The following GLRB variants were observed in gnomAD, a reference collection of about 807,000 sequenced individuals.
GLRB encodes the protein glycine receptor subunit beta.
GLRB carries 33 observed loss-of-function variants against 54.2 expected under a neutral mutation model. The ratio of observed to expected loss-of-function variants is 0.61; its 90% CI spans 0.46 to 0.81. GLRB has a LOEUF of 0.81. Among genes scored for constraint, GLRB ranks in the 40% least tolerant of loss-of-function variants. The pLI is 0.00. For missense variants in GLRB, 572 were observed against 584.6 expected (o/e 0.98, Z 0.22); for synonymous variants, 209 against 208.2 (o/e 1.00, Z -0.03).
chr4:157,144,061 T>A lies in GLRB; in HGVS notation c.904+102T>A, dbSNP rs901210877. ...TTGAAACAATGAGTTTTAGAATTGT[T>A]AGCCACCAATTTCGGTGTTTAAAGA... On this transcript the variant is annotated intron_variant, in intron 8 of 9. Coordinates refer to ENST00000264428, the MANE Select transcript of GLRB (RefSeq NM_000824.5). 5 of 1,227,166 alleles carry A rather than the reference T, an allele frequency of 4.1e-6. No individual in the cohort carries two copies. The African/African-American group carries it at 7.4e-5, about 18-fold the overall frequency. The allele number at this position is 1,227,166 out of a possible 1,614,324, so 76.0% of individuals were successfully genotyped here. A position where few individuals can be genotyped will look rare whatever the true frequency, so the allele number is the denominator to read the frequency against.
At chr4:157,154,727 C>A (rs1452610088) in intron 9 of GLRB, among the ~76,000 whole-genome samples, 1 of 151,946 alleles carries the variant, frequency 6.6e-6, no homozygotes, top group Admixed American at 6.6e-5. Flanking sequence ...GCACTTGGCC[C>A]TCTTTTTCCT....
chr4:157,127,903 T>G (rs1736071691), intron 4 of GLRB, among the ~76,000 whole-genome samples: 1 of 152,018 alleles, frequency 6.6e-6, no homozygotes. Context: ...AAATGTGTGG[T>G]GCTTGAAGCC....
chr4:157,153,664 T>C (rs11945868), intron 9 of GLRB, among the ~76,000 whole-genome samples: 20,477 of 152,092 alleles, frequency 0.13, 3,536 homozygotes, highest in African/African-American at 0.4. Context: ...AATGGTAAAT[T>C]TCAACGTGCC....
Position 157,078,018 on chromosome 4 carries a change from T to G in GLRB, c.-7T>G, listed in dbSNP as rs769815590. The G allele has an allele frequency of 6.8e-6, 11 of 1,607,986 alleles. No individual in the cohort carries two copies. Among genetic ancestry groups the G allele is most frequent in the Non-Finnish European group, 9.4e-6 (11 of 1,175,346 alleles). ...TAGATCGATCTTCTGAAATTCAAGTTTTCAAGATGAAGTTTTTATTGACAA... is the reference window on the plus strand; with the variant it reads ...TAGATCGATCTTCTGAAATTCAAGTGTTCAAGATGAAGTTTTTATTGACAA... On this transcript the variant is annotated 5_prime_UTR_variant, in exon 2 of 10. Coordinates refer to ENST00000264428, the MANE Select transcript of GLRB (RefSeq NM_000824.5).
chr4:157,119,335 A>T (rs1337986450), intron 2 of GLRB, among the ~76,000 whole-genome samples: 1 of 151,670 alleles, frequency 6.6e-6, no homozygotes, highest in African/African-American at 2.4e-5. Flanking sequence ...ATATCATTTT[A>T]TGAACATCAG....
chr4:157,127,641 G>A (rs1022491565), intron 4 of GLRB, among the ~76,000 whole-genome samples: 1 of 151,806 alleles, frequency 6.6e-6, no homozygotes, highest in Admixed American at 6.6e-5. Context: ...AATTGATAGC[G>A]TTCTTGTAAG....
At chr4:157,084,768 A>G (rs1465685365) in intron 2 of GLRB, 3 of 451,692 alleles carry the variant, frequency 6.6e-6, no homozygotes, top group African/African-American at 2.0e-5. Context: ...ATGCCACTAT[A>G]TGCTGCTTGG....
Position 157,078,138 on chromosome 4 carries a change from A to T in GLRB, c.114A>T (p.Leu38=). 1.2e-6 allele frequency: 2 copies of T among 1,612,450 alleles called. No individual in the cohort carries two copies. Among genetic ancestry groups the T allele is most frequent in the Non-Finnish European group, 1.7e-6 (2 of 1,178,718 alleles). ...KKGKGKKKQY[L]CPSQQSAEDL... is the part of the protein sequence containing the mutation. Reference sequence around the variant, plus strand: ...GGAAGGGGAAAAAGAAGCAGTATCTATGCCCATCGTATGTTCTTCATGTCT... The same window carrying T: ...GGAAGGGGAAAAAGAAGCAGTATCTTTGCCCATCGTATGTTCTTCATGTCT... The change falls in exon 2 of 10, where the codon CTA becomes CTT. Residue 38 remains leucine, a synonymous_variant. Coordinates refer to ENST00000264428, the MANE Select transcript of GLRB (RefSeq NM_000824.5).
intron 2 of GLRB, among the ~76,000 whole-genome samples, chr4:157,103,827 A>T (rs1330713467): frequency 6.6e-6 from 1 of 152,054 alleles, no homozygotes; most frequent in Non-Finnish European, 1.5e-5. Flanking sequence ...TATTTTCCTA[A>T]CTTCCTTTTC....
intron 9 of GLRB, among the ~76,000 whole-genome samples, chr4:157,166,154 T>G (rs990084434): frequency 2.0e-5 from 3 of 152,044 alleles, no homozygotes; most frequent in African/African-American, 7.2e-5. Context: ...CTTGACAGTT[T>G]CATTATCACA....
intron 2 of GLRB, among the ~76,000 whole-genome samples, chr4:157,112,387 G>A (rs1376584615): frequency 6.6e-6 from 1 of 151,788 alleles, no homozygotes; most frequent in Non-Finnish European, 1.5e-5. Context: ...GCAAGTGCAT[G>A]GCACATAGGA....
intron 2 of GLRB, among the ~76,000 whole-genome samples, chr4:157,110,505 CTT>C (rs980976864): frequency 8.6e-5 from 13 of 151,876 alleles, no homozygotes; most frequent in Middle Eastern, 3.2e-3. Flanking sequence ...AAAATTTTCT[CTT>C]TGTTGAAATT....
At chr4:157,155,230 G>C (rs942620642) in intron 9 of GLRB, among the ~76,000 whole-genome samples, 4 of 152,122 alleles carry the variant, frequency 2.6e-5, no homozygotes, top group Admixed American at 2.6e-4. Context: ...CTGGATTCAA[G>C]CAATCCTCCC....
intron 3 of GLRB, 34 bp downstream of exon 3, chr4:157,120,696 T>G: frequency 1.0e-6 from 1 of 983,358 alleles, no homozygotes; most frequent in Non-Finnish European, 1.6e-6. Context: ...TCATTTTTAT[T>G]GTTTAAAAAT....
intron 4 of GLRB, among the ~76,000 whole-genome samples, chr4:157,134,533 C>A (rs1326279272): frequency 6.6e-6 from 1 of 151,844 alleles, no homozygotes; most frequent in African/African-American, 2.4e-5. Context: ...TAAAGAATAC[C>A]TATAAGATTT....
chr4:157,101,740 C>T (rs946828901), intron 2 of GLRB, among the ~76,000 whole-genome samples: 1 of 150,402 alleles, frequency 6.6e-6, no homozygotes, highest in Non-Finnish European at 1.5e-5. Flanking sequence ...AACCCTACAC[C>T]CATCTCTAGT....
rs572754196 is a variant in GLRB, at chr4:157,083,114, C to T, written c.122+4968C>T. Among the ~76,000 whole-genome samples the T allele has an allele frequency of 1.6e-3, 236 of 151,782 alleles. 1 individual carries two copies. Among genetic ancestry groups the T allele is most frequent in the African/African-American group, 5.4e-3 (222 of 41,432 alleles). ...ACTATTTTGCTAATTTTATGTTAAGCGTATTACTTTTTAGAACTATTTAAA... is the reference window on the plus strand; with the variant it reads ...ACTATTTTGCTAATTTTATGTTAAGTGTATTACTTTTTAGAACTATTTAAA... On this transcript the variant is annotated intron_variant, in intron 2 of 9. Coordinates refer to ENST00000264428, the MANE Select transcript of GLRB (RefSeq NM_000824.5).
At chr4:157,113,790 C>T (rs1028841579) in intron 2 of GLRB, among the ~76,000 whole-genome samples, 11 of 151,838 alleles carry the variant, frequency 7.2e-5, no homozygotes, top group African/African-American at 2.7e-4. Context: ...CAGACTTTGC[C>T]ACACACATAC....
chr4:157,136,094 C>T (rs539238507), intron 4 of GLRB, among the ~76,000 whole-genome samples: 1 of 152,110 alleles, frequency 6.6e-6, no homozygotes, highest in African/African-American at 2.4e-5. Context: ...TATGTGTATA[C>T]TTGGACAAAA....
Sources: gnomAD v4.1 joint callset for allele counts (sites outside exome capture counted in the v4.1 genomes callset) on GRCh38, gnomAD v4.1.1 for gene constraint, MANE v1.5 for transcripts, NCBI Gene and HGNC (gene_info 2026-07-23, HGNC 2026-07-21) for gene names.